DBN1: variants seen among roughly 807,000 people sequenced by gnomAD.
DBN1 encodes drebrin.
DBN1 carries 21 observed loss-of-function variants against 83.5 expected under a neutral mutation model. That is an observed-to-expected ratio of 0.25 (90% CI 0.18 to 0.36). The LOEUF is 0.36. Among genes scored for constraint, DBN1 ranks in the 10% least tolerant of loss-of-function variants. The pLI is 1.00. For synonymous variants in DBN1, 381 were observed against 384.9 expected (o/e 0.99, Z 0.12); for missense variants, 874 against 935.7 (o/e 0.93, Z 0.86).
chr5:177,457,754 T>G lies in DBN1; in HGVS notation c.1918A>C (p.Ser640Arg), dbSNP rs1756631740. Residue 640 changes from serine to arginine, a missense_variant, in exon 14 of 15, where the codon AGT (serine) becomes CGT (arginine). Transcript: ENST00000393565. ...ETTQKEGTQA[S>R]EGYFSQSQEE... ...TGTGATTGACTGAAGTACCCCTCAC[T>G]GGCCTGCAGGGGAAAGCATCAGGTC... The G allele has an allele frequency of 6.2e-7, 1 of 1,602,004 alleles. No homozygotes were observed. Among genetic ancestry groups the G allele is most frequent in the Non-Finnish European group, 8.5e-7 (1 of 1,169,616 alleles).
intron 1 of DBN1, chr5:177,472,521 C>T: frequency 1.2e-6 from 1 of 800,968 alleles, no homozygotes; most frequent in East Asian, 6.8e-5. Context: ...TCCCCTCCCC[C>T]AGCTCAGCGG....
At position 177,466,643 on chromosome 5, in the gene DBN1, G is replaced by T; in HGVS notation, c.771+129C>A. On this transcript the variant is annotated intron_variant, in intron 8 of 14. Coordinates refer to ENST00000393565, the MANE Select transcript of DBN1 (RefSeq NM_001363541.2). This position sits in a 1 kb window ranked among gnomAD's most constrained non-coding sequence, Gnocchi z 4.8. ...CAGGCCTCATGCTCCATGGCACCCTGTGCCCATGCAGCTCCCCAGAACAGC... is the reference window on the plus strand; with the variant it reads ...CAGGCCTCATGCTCCATGGCACCCTTTGCCCATGCAGCTCCCCAGAACAGC... 1 of 1,053,414 alleles carries T rather than the reference G, an allele frequency of 9.5e-7. No individual in the cohort carries two copies. The highest frequency in any genetic ancestry group is 1.5e-6 in the Non-Finnish European group (1 of 675,962). The allele number at this position is 1,053,414 out of a possible 1,614,324, so 65.3% of individuals were successfully genotyped here.
Position 177,466,067 on chromosome 5 carries a change from C to T in DBN1, c.771+705G>A, listed in dbSNP as rs563677477. On this transcript the variant is annotated intron_variant, in intron 8 of 14. Transcript: ENST00000393565. The surrounding 1 kb of genome is among the most constrained non-coding windows in gnomAD (Gnocchi z 4.8). ...TGCTGCCTGCAGGACTGTCTTGCCTCCTCTCTCTCAGCCTCCTGTGGGTGA... is the reference window on the plus strand; with the variant it reads ...TGCTGCCTGCAGGACTGTCTTGCCTTCTCTCTCTCAGCCTCCTGTGGGTGA... Among the ~76,000 whole-genome samples the T allele has an allele frequency of 6.6e-6, 1 of 152,158 alleles. No homozygotes were observed. The highest frequency in any genetic ancestry group is 1.9e-4 in the East Asian group (1 of 5,162).
chr5:177,469,483 G>A (rs1312620606), intron 1 of DBN1, among the ~76,000 whole-genome samples: 1 of 152,128 alleles, frequency 6.6e-6, no homozygotes, highest in Non-Finnish European at 1.5e-5. Context: ...CTCAATCTCC[G>A]CCTCTCTGAA....
rs949135951 is a variant in DBN1 at position 177,467,901 on chromosome 5, G to A, written c.256-84C>T. 1.3e-6 allele frequency: 2 copies of A among 1,532,942 alleles called. No individual in the cohort carries two copies. Among genetic ancestry groups the A allele is most frequent in the Non-Finnish European group, 1.8e-6 (2 of 1,113,482 alleles). The allele number at this position is 1,532,942 out of a possible 1,614,324, so 95.0% of individuals were successfully genotyped here. A position where few individuals can be genotyped will look rare whatever the true frequency, so the allele number is the denominator to read the frequency against. On this transcript the variant is annotated intron_variant, in intron 3 of 14. Transcript: ENST00000393565. This position sits in a 1 kb window ranked among gnomAD's most constrained non-coding sequence, Gnocchi z 9.1. Reference sequence around the variant, plus strand: ...GGGTGCATCTTCCCCGGGGTGGGAAGAGGGTGGGCTTCCCTCTCCACGGGT... The same window carrying A: ...GGGTGCATCTTCCCCGGGGTGGGAAAAGGGTGGGCTTCCCTCTCCACGGGT...
chr5:177,470,720 C>T (rs952541979), intron 1 of DBN1, among the ~76,000 whole-genome samples: 11 of 152,220 alleles, frequency 7.2e-5, no homozygotes, highest in African/African-American at 2.7e-4. Context: ...TCTTCAGAGC[C>T]CAGTGCTGGC....
chr5:177,461,046 T>G (rs1756996998), intron 8 of DBN1, among the ~76,000 whole-genome samples: 1 of 151,496 alleles, frequency 6.6e-6, no homozygotes, highest in African/African-American at 2.4e-5. Context: ...CCCAAAGTGT[T>G]GGGATGGATT....
chr5:177,462,481 C>T (rs994956012), intron 8 of DBN1: 11 of 830,982 alleles, frequency 1.3e-5, no homozygotes, highest in African/African-American at 9.2e-5. Context: ...CTGGCTTCCA[C>T]CACGATGACA....
intron 1 of DBN1, chr5:177,472,142 C>T: frequency 6.2e-7 from 1 of 1,612,550 alleles, no homozygotes. Context: ...GAGCTTGTCT[C>T]TCGCGTCCAT....
intron 1 of DBN1, among the ~76,000 whole-genome samples, chr5:177,471,909 C>T (rs1757869633): frequency 6.6e-6 from 1 of 152,000 alleles, no homozygotes; most frequent in African/African-American, 2.4e-5. Flanking sequence ...GTAGACAACA[C>T]CCCTCCAGGC....
intron 8 of DBN1, among the ~76,000 whole-genome samples, chr5:177,464,168 C>T (rs560262263): frequency 8.6e-5 from 13 of 151,334 alleles, no homozygotes; most frequent in African/African-American, 2.9e-4. Context: ...CTTTATCAGG[C>T]AGGGTGCGGT....
chr5:177,472,205 AGC>A (rs759052023), intron 1 of DBN1: 3 of 1,613,736 alleles, frequency 1.9e-6, no homozygotes, highest in Non-Finnish European at 2.5e-6. Flanking sequence ...ATGGATGCCC[AGC>A]CATCTCATCC....
chr5:177,471,728 C>T (rs1425789576), intron 1 of DBN1, among the ~76,000 whole-genome samples: 1 of 152,152 alleles, frequency 6.6e-6, no homozygotes, highest in Non-Finnish European at 1.5e-5. Flanking sequence ...CCACACACAA[C>T]CCAGATGGGG....
chr5:177,468,659 G>C (rs1757636447), intron 2 of DBN1, 185 bp downstream of exon 2: 1 of 433,532 alleles, frequency 2.3e-6, no homozygotes, highest in Admixed American at 3.8e-5. Flanking sequence ...ATTCAACAAG[G>C]CTCTGAGATT....
chr5:177,469,118 A>T (rs1008633148), intron 1 of DBN1, among the ~76,000 whole-genome samples: 2 of 152,028 alleles, frequency 1.3e-5, no homozygotes, highest in Non-Finnish European at 1.5e-5. Context: ...CAGTGAGGGG[A>T]GAAATTGCTG....
intron 13 of DBN1, 127 bp downstream of exon 13, chr5:177,457,931 G>T: frequency 7.1e-7 from 1 of 1,399,590 alleles, no homozygotes; most frequent in Non-Finnish European, 1.0e-6. Flanking sequence ...GGGTGGGATG[G>T]ACTTCCCCTC....
intron 8 of DBN1, among the ~76,000 whole-genome samples, chr5:177,462,700 C>G (rs1236577048): frequency 6.6e-6 from 1 of 152,202 alleles, no homozygotes; most frequent in Non-Finnish European, 1.5e-5. Flanking sequence ...GGTGAAGTCC[C>G]AGGGCTGCTC....
chr5:177,458,432 C>T lies in DBN1; in HGVS notation c.1540G>A (p.Val514Ile), dbSNP rs748935744. The change falls in exon 13 of 15, where the codon GTA (valine) becomes ATA (isoleucine). Residue 514 changes from valine (V) to isoleucine (I), a missense_variant. Transcript: ENST00000393565. ...ATADTTVANNVPPAATSLIDL... is the reference protein window; with the variant it reads ...ATADTTVANNIPPAATSLIDL... The stretch of plus-strand genomic sequence containing the variant: ...ATGAGGCTGGTGGCGGCGGGGGGTA[C>T]GTTGTTGGCAACAGTGGTGTCAGCA... The T allele has an allele frequency of 1.0e-4, 161 of 1,614,042 alleles. No homozygotes were observed. The highest frequency in any genetic ancestry group is 1.2e-4 in the Non-Finnish European group (147 of 1,180,020).
Position 177,457,080 on chromosome 5 carries a change from C to G in DBN1, c.*353G>C. 3.2e-6 allele frequency: 1 copy of G among 314,540 alleles called. No homozygotes were observed. The highest frequency in any genetic ancestry group is 6.0e-6 in the Non-Finnish European group (1 of 167,930). 19.5% of individuals were successfully genotyped at this position (314,540 alleles called of 1,614,324 possible). On this transcript the variant is annotated 3_prime_UTR_variant, in exon 15 of 15. Coordinates refer to ENST00000393565, the MANE Select transcript of DBN1 (RefSeq NM_001363541.2). ...GGACATTTTCCCACCAGAGCTCCCC[C>G]CACGCCAGGCCCCAAGCAGGGTGAG...
Sources: gnomAD v4.1 joint callset for allele counts (sites outside exome capture counted in the v4.1 genomes callset) on GRCh38, gnomAD v4.1.1 for gene constraint, Gnocchi (gnomAD v3.1) non-coding constraint, MANE v1.5 for transcripts, NCBI Gene and HGNC (gene_info 2026-07-23, HGNC 2026-07-21) for gene names.